Variants in GPR160 observed in about 807,000 individuals in gnomAD.
The protein encoded by GPR160 is probable G protein-coupled receptor 160.
A neutral mutation model predicts 2.6 loss-of-function variants in GPR160; 2 were observed. The ratio of observed to expected loss-of-function variants is 0.77; its 90% CI spans 0.32 to 2.44. GPR160 has a LOEUF of 2.44. Ranked by LOEUF, GPR160 falls within the 30% of genes most tolerant of loss-of-function variation. The probability of loss-of-function intolerance (pLI) is 0.11; values close to 1 mark genes in which losing one functional copy is unlikely to be tolerated. For missense variants in GPR160, 351 were observed against 383.6 expected (o/e 0.91, Z 0.71); for synonymous variants, 130 against 132.2 (o/e 0.98, Z 0.12).
chr3:170,051,763 A>C (rs1433091044), intron 2 of GPR160, among the ~76,000 whole-genome samples: 1 of 152,182 alleles, frequency 6.6e-6, no homozygotes, highest in Non-Finnish European at 1.5e-5. Flanking sequence ...ATAGTTTGAA[A>C]ATATTTTCCC....
At chr3:170,074,125 G>A (rs1469655237) in intron 2 of GPR160, among the ~76,000 whole-genome samples, 2 of 152,046 alleles carry the variant, frequency 1.3e-5, no homozygotes, top group Non-Finnish European at 2.9e-5. Context: ...CTGACCTTAG[G>A]TGATCCGCTG....
At chr3:170,071,104 C>T (rs746126803) in intron 2 of GPR160, among the ~76,000 whole-genome samples, 32 of 152,014 alleles carry the variant, frequency 2.1e-4, no homozygotes, top group Non-Finnish European at 4.3e-4. Context: ...TTGAACCACA[C>T]ACTCTATACC....
chr3:170,063,808 G>T (rs1321871063), intron 2 of GPR160, among the ~76,000 whole-genome samples: 1 of 152,090 alleles, frequency 6.6e-6, no homozygotes, highest in African/African-American at 2.4e-5. Flanking sequence ...TGTCTTCCCC[G>T]TGCTTTCTCG....
At chr3:170,068,455 C>T (rs1292660010) in intron 2 of GPR160, among the ~76,000 whole-genome samples, 2 of 152,128 alleles carry the variant, frequency 1.3e-5, no homozygotes, top group East Asian at 3.9e-4. Context: ...GCACTTGGCT[C>T]ATTATTGCCT....
chr3:170,052,100 A>G (rs1038046708), intron 2 of GPR160, among the ~76,000 whole-genome samples: 6 of 152,154 alleles, frequency 3.9e-5, no homozygotes, highest in African/African-American at 1.2e-4. Context: ...TAATTTTTGT[A>G]TTTTTAGGAG....
intron 2 of GPR160, among the ~76,000 whole-genome samples, chr3:170,067,330 C>T (rs570347072): frequency 6.6e-6 from 1 of 152,190 alleles, no homozygotes; most frequent in African/African-American, 2.4e-5. Flanking sequence ...GATGCTGATC[C>T]TTCTTTCATA....
intron 2 of GPR160, among the ~76,000 whole-genome samples, chr3:170,052,395 T>C (rs942550239): frequency 6.6e-6 from 1 of 152,238 alleles, no homozygotes; most frequent in Non-Finnish European, 1.5e-5. Context: ...ATATTTGGTA[T>C]TGTTGGTCTT....
chr3:170,062,547 T>A, intron 2 of GPR160: 1 of 710,230 alleles, frequency 1.4e-6, no homozygotes, highest in Non-Finnish European at 2.5e-6. Context: ...GCACAGAAGA[T>A]CAAAGACGCC....
At position 170,084,261 on chromosome 3, in the gene GPR160, T is replaced by C. The variant is rs767779474; in HGVS notation, c.289T>C (p.Phe97Leu). The C allele has an allele frequency of 1.2e-6, 2 of 1,608,630 alleles. No homozygotes were observed. Among genetic ancestry groups the C allele is most frequent in the South Asian group, 1.1e-5 (1 of 90,658 alleles). ...GTTCACTAAATACCACATCTGCCTA[T>C]TTACTCAAATTATTTCCTTTACTTA... ...IRFTKYHICL[F>L]TQIISFTYGF... The change falls in exon 4 of 4, where the codon TTT (phenylalanine) becomes CTT (leucine). Residue 97 changes from phenylalanine (F) to leucine (L), a missense_variant. Coordinates refer to ENST00000355897, the MANE Select transcript of GPR160 (RefSeq NM_014373.3).
chr3:170,085,094 C>T lies in GPR160; in HGVS notation c.*105C>T. On this transcript the variant is annotated 3_prime_UTR_variant, in exon 4 of 4. Transcript: ENST00000355897. Reference sequence around the variant, plus strand: ...ACTGAACTAAAACAACTTTTGCCCCCTGACTGATAGCATTTCAGAATGTGT... The same window carrying T: ...ACTGAACTAAAACAACTTTTGCCCCTTGACTGATAGCATTTCAGAATGTGT... 1.9e-6 allele frequency: 1 copy of T among 520,698 alleles called. No homozygotes were observed. The highest frequency in any genetic ancestry group is 3.3e-6 in the Non-Finnish European group (1 of 300,232). The allele number at this position is 520,698 out of a possible 1,614,324, so 32.3% of individuals were successfully genotyped here. A position where few individuals can be genotyped will look rare whatever the true frequency, so the allele number is the denominator to read the frequency against.
At chr3:170,063,000 G>A (rs1286065346) in intron 2 of GPR160, 1 of 220,364 alleles carries the variant, frequency 4.5e-6, no homozygotes, top group Non-Finnish European at 9.0e-6. Flanking sequence ...ACAGTAAGCC[G>A]AGATCGCGCC....
At chr3:170,040,410 C>G (rs1223796481) in intron 2 of GPR160, among the ~76,000 whole-genome samples, 2 of 152,282 alleles carry the variant, frequency 1.3e-5, no homozygotes, top group East Asian at 3.9e-4. Context: ...TCTCCAGACT[C>G]GGTCATAAAA....
chr3:170,059,974 G>A (rs1471137947), intron 2 of GPR160, among the ~76,000 whole-genome samples: 6 of 152,082 alleles, frequency 3.9e-5, no homozygotes, highest in Admixed American at 3.9e-4. Context: ...ATAAGGTGAG[G>A]AAGACTCCTG....
intron 2 of GPR160, among the ~76,000 whole-genome samples, chr3:170,043,103 G>C (rs1413964563): frequency 3.3e-5 from 5 of 151,970 alleles, no homozygotes; most frequent in Admixed American, 6.6e-5. Flanking sequence ...GGATGGTCTC[G>C]ATCTACTGAC....
At chr3:170,057,492 G>A (rs1169752712) in intron 2 of GPR160, 3 of 152,230 alleles carry the variant, frequency 2.0e-5, no homozygotes, top group Non-Finnish European at 4.4e-5. Flanking sequence ...GTATCCACAT[G>A]AGCTGATACC....
At chr3:170,081,906 CTT>C (rs1576916938) in intron 3 of GPR160, among the ~76,000 whole-genome samples, 1 of 152,320 alleles carries the variant, frequency 6.6e-6, no homozygotes, top group South Asian at 2.1e-4. Context: ...GACATGATCT[CTT>C]GTTTTACGCT....
chr3:170,085,049 C>CAG lies in GPR160; in HGVS notation c.*61_*62dup, dbSNP rs1713360035. ...CATAATTTTATGAACAGAAAGAACTCAGGACATATTAAAAAATAAACTGAA... is the reference window on the plus strand; with the variant it reads ...CATAATTTTATGAACAGAAAGAACTCAGAGGACATATTAAAAAATAAACTGAA... On this transcript the variant is annotated 3_prime_UTR_variant, in exon 4 of 4. Coordinates refer to ENST00000355897, the MANE Select transcript of GPR160 (RefSeq NM_014373.3). The CAG allele has an allele frequency of 2.2e-6, 2 of 892,218 alleles. No individual in the cohort carries two copies. Among genetic ancestry groups the CAG allele is most frequent in the South Asian group, 5.1e-5 (2 of 39,594 alleles). 55.3% of individuals were successfully genotyped at this position (892,218 alleles called of 1,614,324 possible).
chr3:170,056,324 T>A (rs984487763), intron 2 of GPR160, among the ~76,000 whole-genome samples: 2 of 152,212 alleles, frequency 1.3e-5, no homozygotes, highest in African/African-American at 2.4e-5. Flanking sequence ...TGAGTAAAAA[T>A]TCATGGTAGC....
chr3:170,081,702 G>C (rs6793019), intron 3 of GPR160, among the ~76,000 whole-genome samples: 1 of 151,846 alleles, frequency 6.6e-6, no homozygotes, highest in African/African-American at 2.4e-5. Context: ...AATAGTTATT[G>C]TTTCTGCTTC....
Sources: allele counts gnomAD v4.1 joint callset (sites outside exome capture counted in the v4.1 genomes callset), GRCh38; gene constraint gnomAD v4.1.1; transcripts MANE v1.5; gene names NCBI Gene and HGNC (gene_info 2026-07-23, HGNC 2026-07-21).